AP5Z1: variants seen among roughly 807,000 people sequenced by gnomAD.
AP5Z1 encodes adaptor related protein complex 5 subunit zeta 1.
Under a neutral mutation model 83.0 loss-of-function variants are expected in AP5Z1, and 106 were observed. The ratio of observed to expected loss-of-function variants is 1.28; its 90% CI spans 1.09 to 1.50. AP5Z1 has a LOEUF of 1.50. AP5Z1 is among the 40% of genes most tolerant of loss of function. The probability of loss-of-function intolerance (pLI) is 0.00; values close to 1 mark genes in which losing one functional copy is unlikely to be tolerated. For missense variants in AP5Z1, 1,565 were observed against 1,094.2 expected (o/e 1.43, Z -6.07); for synonymous variants, 751 against 514.1 (o/e 1.46, Z -6.23).
intron 6 of AP5Z1, 70 bp downstream of exon 6, chr7:4,784,441 G>C: frequency 6.7e-7 from 1 of 1,493,422 alleles, no homozygotes; most frequent in South Asian, 1.3e-5. Context: ...GTCGCAGGGG[G>C]ACACGGGCGG....
intron 12 of AP5Z1, 111 bp downstream of exon 12, chr7:4,788,405 C>T: frequency 7.7e-7 from 1 of 1,296,108 alleles, no homozygotes; most frequent in Non-Finnish European, 1.0e-6. Context: ...GCTTTGTGTC[C>T]CACACAAGGC....
chr7:4,781,437 T>G (rs1256736673), intron 2 of AP5Z1, 125 bp downstream of exon 2: 6 of 1,543,792 alleles, frequency 3.9e-6, no homozygotes, highest in Non-Finnish European at 5.3e-6. Flanking sequence ...AAACCAGTGC[T>G]GAAGGTCCAT....
At chr7:4,785,288 C>A in intron 7 of AP5Z1, 127 bp from the exon 8 acceptor site, 2 of 1,367,462 alleles carry the variant, frequency 1.5e-6, no homozygotes, top group South Asian at 1.5e-5. Context: ...CCACTCAAGT[C>A]CTCCTGGGGG....
In AP5Z1 at chr7:4,787,677, C is replaced by T. The variant is rs752280716; in HGVS notation, c.1355C>T (p.Ala452Val). 93 of 1,552,348 alleles carry T rather than the reference C, an allele frequency of 6.0e-5. No individual in the cohort carries two copies. The highest frequency in any genetic ancestry group is 1.5e-4 in the South Asian group (13 of 84,166). Residue 452 changes from alanine to valine, a missense_variant, in exon 11 of 17, where the codon GCG becomes GTG. Transcript: ENST00000649063. The stretch of plus-strand genomic sequence containing the variant: ...CCACCCCTCACCTCCGAGTTTGTGG[C>T]GCTCCTCCCGGCCCTGGTGGACGCT... ...NSPPLTSEFV[A>V]LLPALVDAGT...
chr7:4,790,309 G>A (rs757969039), intron 14 of AP5Z1, 150 bp from the exon 15 acceptor site: 10 of 1,547,768 alleles, frequency 6.5e-6, no homozygotes, highest in Non-Finnish European at 1.7e-6. Flanking sequence ...CAGTTTCTCT[G>A]AGGCTGGCAG....
Position 4,783,720 on chromosome 7 carries a change from C to T in AP5Z1, c.543C>T (p.Val181=), listed in dbSNP as rs1050248739. Residue 181 remains valine (V), a synonymous_variant, in exon 5 of 17, where the codon GTC becomes GTT. Transcript: ENST00000649063. The stretch of plus-strand genomic sequence containing the variant: ...CCACCCTGCTCAGCAAGCGGCTGGT[C>T]GACTGGCTGCGCTACGCCAGCCTCC... ...DQATLLSKRL[V]DWLRYASLQQ... 1.9e-5 allele frequency: 30 copies of T among 1,550,388 alleles called. No individual in the cohort carries two copies. The highest frequency in any genetic ancestry group is 7.8e-5 in the Admixed American group (4 of 51,014).
At chr7:4,784,536 G>C (rs1054385643) in intron 6 of AP5Z1, among the ~76,000 whole-genome samples, 165 bp downstream of exon 6, 3 of 152,130 alleles carry the variant, frequency 2.0e-5, no homozygotes, top group African/African-American at 7.2e-5. Flanking sequence ...TAGGCGGAGA[G>C]CACTCCCTGG....
chr7:4,790,477 C>T lies in AP5Z1; in HGVS notation c.1824C>T (p.Phe608=), dbSNP rs181363590. 1 of 1,613,198 alleles carries T rather than the reference C, an allele frequency of 6.2e-7. No homozygotes were observed. Among genetic ancestry groups the T allele is most frequent in the South Asian group, 1.1e-5 (1 of 91,080 alleles). ...AGVHSVLSSQ[F]LALCTLKPSL... Reference sequence around the variant, plus strand: ...TGGGCAGTGTGCTGAGTTCTCAGTTCCTGGCCCTGTGTACGCTGAAACCCT... The same window carrying T: ...TGGGCAGTGTGCTGAGTTCTCAGTTTCTGGCCCTGTGTACGCTGAAACCCT... Residue 608 remains phenylalanine (F), a synonymous_variant, in exon 15 of 17, where the codon TTC becomes TTT. Transcript: ENST00000649063.
chr7:4,788,857 AGCT>A lies in AP5Z1; in HGVS notation c.1619_1621del (p.Leu540del). ...GTCCTCAGGTTGGCGCCACTCCACCAGCTGCTGCAGCCCATGGCCGGCTGTGCC... is the reference window on the plus strand; with the variant it reads ...GTCCTCAGGTTGGCGCCACTCCACCAGCTGCAGCCCATGGCCGGCTGTGCC... On this transcript the variant is annotated inframe_deletion, in exon 13 of 17. Coordinates refer to ENST00000649063, the MANE Select transcript of AP5Z1 (RefSeq NM_014855.3). The A allele has an allele frequency of 6.2e-7, 1 of 1,608,176 alleles. No homozygotes were observed.
In AP5Z1 at chr7:4,791,332, C is replaced by A. The variant is rs1363314445; in HGVS notation, c.2371C>A (p.Leu791Met). 2.5e-6 allele frequency: 4 copies of A among 1,610,562 alleles called. No individual in the cohort carries two copies. In the East Asian group the frequency reaches 8.9e-5, roughly 36 times the overall value. ...RDANTALPLALRTVSRLVERE... is the reference protein window; with the variant it reads ...RDANTALPLAMRTVSRLVERE... ...TGCCAACACGGCCCTGCCCCTGGCC[C>A]TGCGCACGGTCAGCCGGCTGGTGGA... Residue 791 changes from leucine (L) to methionine (M), a missense_variant, in exon 17 of 17, where the codon CTG (leucine) becomes ATG (methionine). By Grantham distance (15) the Leu-to-Met change is conservative. Coordinates refer to ENST00000649063, the MANE Select transcript of AP5Z1 (RefSeq NM_014855.3).
At chr7:4,789,045 G>C in intron 13 of AP5Z1, 94 bp downstream of exon 13, 1 of 1,104,838 alleles carries the variant, frequency 9.1e-7, no homozygotes, top group Middle Eastern at 2.3e-4. Context: ...GAGCTCTGCA[G>C]AAGGCTGCTC....
intron 1 of AP5Z1, 59 bp downstream of exon 1, chr7:4,775,815 G>T: frequency 6.3e-7 from 1 of 1,584,124 alleles, no homozygotes. Context: ...GGGCACACGG[G>T]GGTGGGTCTC....
At chr7:4,777,900 A>G (rs1781269313) in intron 1 of AP5Z1, among the ~76,000 whole-genome samples, 1 of 152,212 alleles carries the variant, frequency 6.6e-6, no homozygotes, top group Non-Finnish European at 1.5e-5. Flanking sequence ...TTTAAAATAA[A>G]TGACTGTAGT....
chr7:4,782,785 A>T (rs112246537), intron 3 of AP5Z1, among the ~76,000 whole-genome samples: 2 of 151,328 alleles, frequency 1.3e-5, no homozygotes, highest in Admixed American at 6.6e-5. Flanking sequence ...CAAGCAACTC[A>T]TTTTTTTCAG....
intron 1 of AP5Z1, among the ~76,000 whole-genome samples, chr7:4,776,422 A>G (rs977489510): frequency 1.3e-5 from 2 of 152,172 alleles, no homozygotes; most frequent in Non-Finnish European, 2.9e-5. Context: ...CATGTTTAAA[A>G]GAAGAAAATG....
chr7:4,784,418 G>A (rs777222024), intron 6 of AP5Z1, 47 bp downstream of exon 6: 13 of 1,544,996 alleles, frequency 8.4e-6, no homozygotes, highest in South Asian at 3.5e-5. Flanking sequence ...GGAGGTGGGC[G>A]CACTATGGGT....
In AP5Z1 at chr7:4,793,479, G is replaced by A. The variant is rs1562418829; in HGVS notation, c.*2094G>A. On this transcript the variant is annotated 3_prime_UTR_variant, in exon 17 of 17. Transcript: ENST00000649063. Reference sequence around the variant, plus strand: ...CACTGCACTGTGGGAGCCCCTTTCAGGGCTGGCCAAGGCCGGAGCCGGCTC... The same window carrying A: ...CACTGCACTGTGGGAGCCCCTTTCAAGGCTGGCCAAGGCCGGAGCCGGCTC... 1 of 152,830 alleles carries A rather than the reference G, an allele frequency of 6.5e-6. No homozygotes were observed. Among genetic ancestry groups the A allele is most frequent in the Non-Finnish European group, 1.5e-5 (1 of 68,538 alleles). 9.5% of individuals were successfully genotyped at this position (152,830 alleles called of 1,614,324 possible). A position where few individuals can be genotyped will look rare whatever the true frequency, so the allele number is the denominator to read the frequency against.
At chr7:4,780,503 G>A (rs934629899) in intron 1 of AP5Z1, among the ~76,000 whole-genome samples, 1 of 151,926 alleles carries the variant, frequency 6.6e-6, no homozygotes. Context: ...GGTGGCTCAC[G>A]CCTGTAATCC....
chr7:4,789,687 C>G (rs1343044473), intron 13 of AP5Z1, 145 bp from the exon 14 acceptor site: 9 of 600,874 alleles, frequency 1.5e-5, no homozygotes, highest in Non-Finnish European at 2.6e-5. Flanking sequence ...AGCTGAGTCT[C>G]TGTGTCCCTG....
Sources: allele counts gnomAD v4.1 joint callset (sites outside exome capture counted in the v4.1 genomes callset), GRCh38; gene constraint gnomAD v4.1.1; transcripts MANE v1.5; gene names NCBI Gene and HGNC (gene_info 2026-07-23, HGNC 2026-07-21).